NUGGC: variants seen among roughly 807,000 people sequenced by gnomAD.
The protein encoded by NUGGC is nuclear GTPase, germinal center associated.
Under a neutral mutation model 92.6 loss-of-function variants are expected in NUGGC, and 58 were observed. That is an observed-to-expected ratio of 0.63 (90% CI 0.51 to 0.78). The LOEUF (loss-of-function observed/expected upper bound fraction) is 0.78, where lower values mean the gene tolerates loss of function less well. Among genes scored for constraint, NUGGC ranks in the 30% least tolerant of loss-of-function variants. NUGGC has a pLI of 0.00. For missense variants in NUGGC, 925 were observed against 964.6 expected (o/e 0.96, Z 0.54); for synonymous variants, 376 against 366.4 (o/e 1.03, Z -0.30).
chr8:28,071,684 G>A (rs1457803431), intron 2 of NUGGC, among the ~76,000 whole-genome samples: 1 of 152,152 alleles, frequency 6.6e-6, no homozygotes, highest in Non-Finnish European at 1.5e-5. Context: ...AAAATGTTGT[G>A]TTTTAGATGG....
At chr8:28,026,832 C>A (rs1039215713) in intron 18 of NUGGC, 130 bp downstream of exon 18, 4 of 673,960 alleles carry the variant, frequency 5.9e-6, no homozygotes, top group African/African-American at 1.8e-5. Flanking sequence ...CCTTGCCCTG[C>A]TAATTCTTCC....
chr8:28,065,948 A>G (rs965089310), intron 6 of NUGGC, among the ~76,000 whole-genome samples: 15 of 151,982 alleles, frequency 9.9e-5, no homozygotes, highest in Non-Finnish European at 2.1e-4. Flanking sequence ...GCCCCTTCCT[A>G]CAAGAGGGCT....
At chr8:28,073,732 T>G (rs1395216926) in intron 2 of NUGGC, among the ~76,000 whole-genome samples, 1 of 152,180 alleles carries the variant, frequency 6.6e-6, no homozygotes, top group African/African-American at 2.4e-5. Context: ...GAAAGCCGCC[T>G]AACGTCATTC....
intron 7 of NUGGC, 61 bp from the exon 8 acceptor site, chr8:28,060,662 G>C: frequency 6.7e-7 from 1 of 1,495,198 alleles, no homozygotes; most frequent in Non-Finnish European, 9.1e-7. Context: ...CCTGAGGACC[G>C]GTTCCCTAAT....
chr8:28,024,093 G>A (rs1192675397), intron 18 of NUGGC, among the ~76,000 whole-genome samples: 1 of 151,774 alleles, frequency 6.6e-6, no homozygotes, highest in African/African-American at 2.4e-5. Flanking sequence ...GCATGATCTT[G>A]ACTCACTGCA....
At chr8:28,071,695 A>G (rs976073687) in intron 2 of NUGGC, among the ~76,000 whole-genome samples, 5 of 152,150 alleles carry the variant, frequency 3.3e-5, no homozygotes. Flanking sequence ...TTTTAGATGG[A>G]TTTTAGAAAA....
At chr8:28,081,373 T>C (rs1268565183) in intron 1 of NUGGC, among the ~76,000 whole-genome samples, 1 of 152,120 alleles carries the variant, frequency 6.6e-6, no homozygotes, top group African/African-American at 2.4e-5. Flanking sequence ...TGATAATGAA[T>C]GCAAAATTGC....
intron 13 of NUGGC, among the ~76,000 whole-genome samples, chr8:28,036,203 G>C (rs544168613): frequency 1.3e-5 from 2 of 152,234 alleles, no homozygotes; most frequent in East Asian, 1.9e-4. Flanking sequence ...CAGTTTTCTG[G>C]TTGGAAAATA....
chr8:28,051,787 T>A (rs1810010719), intron 10 of NUGGC, among the ~76,000 whole-genome samples: 1 of 152,138 alleles, frequency 6.6e-6, no homozygotes, highest in Admixed American at 6.5e-5. Context: ...CTGGGCCTGG[T>A]GGCCCATGCC....
intron 2 of NUGGC, among the ~76,000 whole-genome samples, chr8:28,073,005 ATT>A (rs5890399): frequency 3.2e-3 from 457 of 140,784 alleles, no homozygotes; most frequent in African/African-American, 0.01. Flanking sequence ...GACTGTTGAA[ATT>A]TTTTTTTTTT....
chr8:28,038,375 T>A (rs1017077133), intron 13 of NUGGC, among the ~76,000 whole-genome samples: 2 of 152,252 alleles, frequency 1.3e-5, no homozygotes, highest in Non-Finnish European at 2.9e-5. Flanking sequence ...TGATTTGTTA[T>A]ACACTCTCTT....
chr8:28,071,517 G>A (rs2130263015), intron 2 of NUGGC, among the ~76,000 whole-genome samples: 1 of 152,258 alleles, frequency 6.6e-6, no homozygotes. Flanking sequence ...TTCACTTGGA[G>A]ACATCAGCAG....
Position 28,041,124 on chromosome 8 carries a change from A to G in NUGGC, c.1538T>C (p.Met513Thr). 1 of 1,609,290 alleles carries G rather than the reference A, an allele frequency of 6.2e-7. No individual in the cohort carries two copies. ...GACCCCTTCTTGCAGAGGCTGCTCCATGCAGGCGAAGCACTGTGCGATGGC... is the reference window on the plus strand; with the variant it reads ...GACCCCTTCTTGCAGAGGCTGCTCCGTGCAGGCGAAGCACTGTGCGATGGC... ...EKAIAQCFACMEQPLQEGVRT... is the reference protein window; with the variant it reads ...EKAIAQCFACTEQPLQEGVRT... Residue 513 changes from methionine (M) to threonine (T), a missense_variant, in exon 13 of 19, where the codon ATG (methionine) becomes ACG (threonine). Met to Thr is a moderately conservative substitution (Grantham distance 81). Coordinates refer to ENST00000413272, the MANE Select transcript of NUGGC (RefSeq NM_001010906.2).
At chr8:28,042,518 G>T (rs1438075746) in intron 12 of NUGGC, among the ~76,000 whole-genome samples, 4 of 152,188 alleles carry the variant, frequency 2.6e-5, no homozygotes, top group African/African-American at 9.7e-5. Context: ...AAAGCTCAAA[G>T]GTCCTTCCCA....
At chr8:28,029,466 T>G in intron 16 of NUGGC, 64 bp from the exon 17 acceptor site, 1 of 1,571,170 alleles carries the variant, frequency 6.4e-7, no homozygotes, top group Non-Finnish European at 8.7e-7. Flanking sequence ...TTTGGCACCA[T>G]GGCCGGGCAT....
intron 17 of NUGGC, 150 bp downstream of exon 17, chr8:28,029,116 G>C: frequency 1.4e-6 from 1 of 713,950 alleles, no homozygotes; most frequent in Non-Finnish European, 2.3e-6. Context: ...AGAGAGTGTT[G>C]GAAGACTGCA....
chr8:28,029,063 C>T (rs1232913408), intron 17 of NUGGC, among the ~76,000 whole-genome samples: 1 of 152,186 alleles, frequency 6.6e-6, no homozygotes, highest in Non-Finnish European at 1.5e-5. Context: ...CTAGCTATTA[C>T]AGTCTCTGTG....
Position 28,033,679 on chromosome 8 carries a change from C to T in NUGGC, c.1630G>A (p.Gly544Ser). 4 of 1,613,890 alleles carry T rather than the reference C, an allele frequency of 2.5e-6. No homozygotes were observed. The highest frequency in any genetic ancestry group is 2.5e-6 in the Non-Finnish European group (3 of 1,179,840). The change falls in exon 14 of 19, where the codon GGT becomes AGT. Residue 544 changes from glycine to serine, a missense_variant. Physicochemically the swap from Gly to Ser is moderately conservative, Grantham distance 56 (BLOSUM62 0). Transcript: ENST00000413272. Reference sequence around the variant, plus strand: ...ACAGCTTTCAGGGTCTGATGAAAACCTTGGTTTCCTTTACTCCTCTAGACA... The same window carrying T: ...ACAGCTTTCAGGGTCTGATGAAAACTTTGGTTTCCTTTACTCCTCTAGACA... The part of the protein sequence containing the change: ...ACLVRSKGNQ[G>S]FHQTLKAVCL...
chr8:28,029,157 G>A (rs898903982), intron 17 of NUGGC, 109 bp downstream of exon 17: 5 of 1,119,422 alleles, frequency 4.5e-6, no homozygotes, highest in Non-Finnish European at 6.4e-6. Flanking sequence ...GAAAGCATCT[G>A]TTCCATTTGG....
Sources: allele counts gnomAD v4.1 joint callset (sites outside exome capture counted in the v4.1 genomes callset), GRCh38; gene constraint gnomAD v4.1.1; transcripts MANE v1.5; gene names NCBI Gene and HGNC (gene_info 2026-07-23, HGNC 2026-07-21).